KMT5B: variants seen among roughly 807,000 people sequenced by gnomAD.
KMT5B encodes the protein histone-lysine N-methyltransferase KMT5B.
A neutral mutation model predicts 83.2 loss-of-function variants in KMT5B; 10 were observed. That is an observed-to-expected ratio of 0.12 (90% CI 0.07 to 0.20). The LOEUF is 0.20. Among genes scored for constraint, KMT5B ranks in the 10% least tolerant of loss-of-function variants. The pLI, the probability that KMT5B is intolerant of heterozygous loss-of-function variation, is 1.00. For missense variants in KMT5B, 753 were observed against 1,067.2 expected (o/e 0.71, Z 4.10); for synonymous variants, 349 against 388.8 (o/e 0.90, Z 1.20).
intron 2 of KMT5B, among the ~76,000 whole-genome samples, chr11:68,187,248 T>G (rs1857524341): frequency 6.6e-6 from 1 of 152,168 alleles, no homozygotes; most frequent in Admixed American, 6.5e-5. Flanking sequence ...TCCTCCTGCC[T>G]CAGCCTCCCA....
intron 10 of KMT5B, among the ~76,000 whole-genome samples, chr11:68,163,931 C>T (rs1855071304): frequency 1.3e-5 from 2 of 152,180 alleles, no homozygotes; most frequent in Admixed American, 1.3e-4. Flanking sequence ...CTGGCCGATT[C>T]TTCTGGGGCT....
At chr11:68,161,182 A>G (rs1854828559) in intron 10 of KMT5B, among the ~76,000 whole-genome samples, 2 of 152,316 alleles carry the variant, frequency 1.3e-5, no homozygotes, top group Non-Finnish European at 1.5e-5. Context: ...ACTATACAGA[A>G]CTATGTGATA....
At chr11:68,208,808 G>C (rs1376023101) in intron 1 of KMT5B, among the ~76,000 whole-genome samples, 2 of 152,134 alleles carry the variant, frequency 1.3e-5, no homozygotes, top group East Asian at 1.9e-4. Flanking sequence ...CTGGGATTAT[G>C]CCACTGCTCT....
At chr11:68,188,807 T>C (rs917167197) in intron 2 of KMT5B, among the ~76,000 whole-genome samples, 12 of 152,216 alleles carry the variant, frequency 7.9e-5, no homozygotes, top group African/African-American at 2.9e-4. Flanking sequence ...ACTGATGTGA[T>C]CACTATATTT....
intron 3 of KMT5B, among the ~76,000 whole-genome samples, chr11:68,183,150 A>G (rs1352068712): frequency 6.6e-6 from 1 of 151,836 alleles, no homozygotes; most frequent in South Asian, 2.1e-4. Context: ...TTGTGGTGAC[A>G]TTCTGAATGC....
intron 1 of KMT5B, among the ~76,000 whole-genome samples, chr11:68,210,685 A>T (rs1442901695): frequency 1.3e-5 from 2 of 152,180 alleles, no homozygotes; most frequent in African/African-American, 4.8e-5. Context: ...GCTAGCCCCA[A>T]ATCAACCCCA....
chr11:68,158,476 C>T lies in KMT5B; in HGVS notation c.1870G>A (p.Ala624Thr), dbSNP rs1254852262. The T allele has an allele frequency of 6.2e-7, 1 of 1,614,100 alleles. No homozygotes were observed. Among genetic ancestry groups the T allele is most frequent in the South Asian group, 1.1e-5 (1 of 91,084 alleles). The change falls in exon 11 of 11, where the codon GCA (alanine) becomes ACA (threonine). Residue 624 changes from alanine to threonine, a missense_variant. This residue lies in a region of KMT5B where 397 missense variants were observed against 395.9 expected (regional missense o/e 1.00). Transcript: ENST00000304363. ...SRQGKLVKQF[A>T]KIEESTPVHD... ...ACTGGAGTAGATTCCTCTATTTTTG[C>T]AAACTGTTTCACAAGTTTTCCTTGT...
At chr11:68,200,763 G>A (rs953437570) in intron 1 of KMT5B, among the ~76,000 whole-genome samples, 20 of 152,342 alleles carry the variant, frequency 1.3e-4, no homozygotes, top group African/African-American at 4.1e-4. Flanking sequence ...GGAAAACGAA[G>A]TGGAATTCCT....
At chr11:68,203,038 C>G (rs146460157) in intron 1 of KMT5B, among the ~76,000 whole-genome samples, 2 of 152,036 alleles carry the variant, frequency 1.3e-5, no homozygotes, top group African/African-American at 2.4e-5. Flanking sequence ...TGCAGTGGCA[C>G]GATCTCAGCT....
chr11:68,201,274 G>A (rs1565258206), intron 1 of KMT5B, among the ~76,000 whole-genome samples: 2 of 152,032 alleles, frequency 1.3e-5, no homozygotes, highest in South Asian at 2.1e-4. Flanking sequence ...TTCCCCAAAC[G>A]TTTACAGTGA....
chr11:68,178,637 G>A (rs1289132196), intron 4 of KMT5B, among the ~76,000 whole-genome samples: 17 of 152,228 alleles, frequency 1.1e-4, no homozygotes, highest in Non-Finnish European at 2.5e-4. Flanking sequence ...TAAGGGTGCA[G>A]ACAGGCAGGA....
chr11:68,169,082 A>G (rs1855591046), intron 9 of KMT5B, among the ~76,000 whole-genome samples: 4 of 152,262 alleles, frequency 2.6e-5, no homozygotes, highest in Admixed American at 2.6e-4. Flanking sequence ...GTCTGACAAT[A>G]GCCATGGCCA....
intron 1 of KMT5B, among the ~76,000 whole-genome samples, chr11:68,208,523 G>A (rs1249391480): frequency 6.6e-6 from 1 of 152,022 alleles, no homozygotes; most frequent in Non-Finnish European, 1.5e-5. Context: ...AATAGACATC[G>A]TTCCTGACTG....
intron 6 of KMT5B, 123 bp downstream of exon 6, chr11:68,173,681 T>C: frequency 1.5e-6 from 1 of 645,322 alleles, no homozygotes; most frequent in Admixed American, 3.2e-5. Flanking sequence ...GCAACGGCGA[T>C]GCATTGGCTA....
Position 68,159,286 on chromosome 11 carries a change from C to G in KMT5B, c.1175-115G>C, listed in dbSNP as rs887911779. 3 of 1,393,956 alleles carry G rather than the reference C, an allele frequency of 2.2e-6. 1 individual carries two copies. Among genetic ancestry groups the G allele is most frequent in the South Asian group, 1.7e-5 (1 of 58,148 alleles). 86.3% of individuals were successfully genotyped at this position (1,393,956 alleles called of 1,614,324 possible). On this transcript the variant is annotated intron_variant, in intron 10 of 10. Coordinates refer to ENST00000304363, the MANE Select transcript of KMT5B (RefSeq NM_017635.5). ...CGTTTAGATTACACAAACGCCAACA[C>G]CACGGCTCCTGCTGCAGATTCTGCC...
intron 10 of KMT5B, among the ~76,000 whole-genome samples, chr11:68,165,539 T>C (rs1045482690): frequency 1.3e-5 from 2 of 151,988 alleles, no homozygotes; most frequent in African/African-American, 4.8e-5. Context: ...TCTTACTATG[T>C]TGCCCAGGCA....
Position 68,158,881 on chromosome 11 carries a change from G to A in KMT5B, c.1465C>T (p.Pro489Ser), listed in dbSNP as rs868213710. ...EPKVVLYKNL[P>S]IKKDKEPEGP... ...TCTGGCTCCTTATCTTTTTTAATGG[G>A]CAAATTTTTATACAGAACTACTTTA... Residue 489 changes from proline (P) to serine (S), a missense_variant, in exon 11 of 11, where the codon CCC (proline) becomes TCC (serine). Physicochemically the swap from Pro to Ser is moderately conservative, Grantham distance 74. Around this residue, in one of 9 missense-constraint regions of KMT5B, gnomAD observed 397 missense variants for 395.9 expected, o/e 1.00. Transcript: ENST00000304363. 6.2e-7 allele frequency: 1 copy of A among 1,614,050 alleles called. No homozygotes were observed. The highest frequency in any genetic ancestry group is 8.5e-7 in the Non-Finnish European group (1 of 1,180,026).
intron 9 of KMT5B, 145 bp from the exon 10 acceptor site, chr11:68,167,323 C>A: frequency 1.1e-6 from 1 of 881,474 alleles, no homozygotes. Context: ...GACTAGAACT[C>A]ACAAAGGAAA....
chr11:68,181,264 G>A (rs374983875), intron 3 of KMT5B, among the ~76,000 whole-genome samples: 172 of 152,034 alleles, frequency 1.1e-3, no homozygotes, highest in African/African-American at 4.1e-3. Flanking sequence ...TAGTAGAGAC[G>A]GGGTTTCACC....
Sources: allele counts gnomAD v4.1 joint callset (sites outside exome capture counted in the v4.1 genomes callset), GRCh38; gene constraint gnomAD v4.1.1; regional missense constraint gnomAD v4.1.1; transcripts MANE v1.5; gene names NCBI Gene and HGNC (gene_info 2026-07-23, HGNC 2026-07-21).